Variants in CTNNA3 observed in about 807,000 individuals in gnomAD.
CTNNA3 encodes catenin alpha 3.
A neutral mutation model predicts 95.7 loss-of-function variants in CTNNA3; 76 were observed. The observed-to-expected ratio is 0.79, with a 90% CI of 0.66 to 0.96. The LOEUF (loss-of-function observed/expected upper bound fraction) is 0.96, where lower values mean the gene tolerates loss of function less well. CTNNA3 is among the 40% of genes least tolerant of loss of function. The pLI is 0.00. For synonymous variants in CTNNA3, 431 were observed against 374.4 expected, an observed-to-expected ratio of 1.15 and a Z score of -1.74; for missense variants, 1,191 against 1,089.8, an observed-to-expected ratio of 1.09 and a Z score of -1.31.
chr10:66,733,460 G>A (rs1849029732), intron 9 of CTNNA3, among the ~76,000 whole-genome samples: 1 of 151,786 alleles, frequency 6.6e-6, no homozygotes, highest in Non-Finnish European at 1.5e-5. Context: ...TTTCCTAGGA[G>A]AAGTGTTGAG....
chr10:66,851,629 CACA>C (rs1843497416), intron 7 of CTNNA3, among the ~76,000 whole-genome samples: 1 of 101,944 alleles, frequency 9.8e-6, no homozygotes, highest in Non-Finnish European at 1.9e-5. Context: ...CTCTTTCTCT[CACA>C]TACACACACA....
intron 7 of CTNNA3, among the ~76,000 whole-genome samples, chr10:67,163,100 TAA>T (rs1217680024): frequency 6.6e-6 from 1 of 151,820 alleles, no homozygotes; most frequent in Non-Finnish European, 1.5e-5. Flanking sequence ...TTCTAGAAGA[TAA>T]AAAAAGAGGG....
intron 5 of CTNNA3, among the ~76,000 whole-genome samples, chr10:67,415,983 T>C (rs978395041): frequency 6.6e-6 from 1 of 152,184 alleles, no homozygotes; most frequent in South Asian, 2.1e-4. Context: ...TTTTACCATA[T>C]ACAAGAATGA....
At chr10:66,427,635 A>G (rs1373034331) in intron 11 of CTNNA3, among the ~76,000 whole-genome samples, 1 of 152,106 alleles carries the variant, frequency 6.6e-6, no homozygotes, top group Non-Finnish European at 1.5e-5. Context: ...TGGAACAACA[A>G]TAAGCCATTT....
chr10:66,012,431 A>G (rs1163917442), intron 15 of CTNNA3, among the ~76,000 whole-genome samples: 1 of 152,200 alleles, frequency 6.6e-6, no homozygotes, highest in African/African-American at 2.4e-5. Context: ...TTTAAAGTCC[A>G]GTTGGGGTTT....
chr10:66,523,143 A>C (rs189177751), intron 10 of CTNNA3, among the ~76,000 whole-genome samples: 1 of 152,266 alleles, frequency 6.6e-6, no homozygotes, highest in Admixed American at 6.5e-5. Flanking sequence ...TTAACTTACA[A>C]TGTACCTTCG....
chr10:66,869,578 A>G (rs892835792), intron 7 of CTNNA3, among the ~76,000 whole-genome samples: 3 of 152,208 alleles, frequency 2.0e-5, no homozygotes, highest in Non-Finnish European at 2.9e-5. Context: ...GTCTCAATAC[A>G]TTAAATTAAA....
chr10:67,584,596 G>A (rs1008495228), intron 3 of CTNNA3, among the ~76,000 whole-genome samples: 2 of 152,214 alleles, frequency 1.3e-5, no homozygotes, highest in African/African-American at 4.8e-5. Flanking sequence ...CTTCAAAGCT[G>A]TCAGACAGGG....
At chr10:67,572,436 C>A (rs1032182330) in intron 3 of CTNNA3, among the ~76,000 whole-genome samples, 1 of 152,062 alleles carries the variant, frequency 6.6e-6, no homozygotes, top group African/African-American at 2.4e-5. Flanking sequence ...TCCTTTATCC[C>A]CTCGAAGCAT....
chr10:66,701,944 G>GA (rs1266713380), intron 9 of CTNNA3, among the ~76,000 whole-genome samples: 1 of 152,058 alleles, frequency 6.6e-6, no homozygotes, highest in Non-Finnish European at 1.5e-5. Flanking sequence ...TTTTGTTAAT[G>GA]AAAAAATTGT....
intron 5 of CTNNA3, among the ~76,000 whole-genome samples, chr10:67,292,183 G>A (rs1839863799): frequency 6.6e-6 from 1 of 152,056 alleles, no homozygotes; most frequent in Non-Finnish European, 1.5e-5. Context: ...ATTTCTTTAT[G>A]GCCAGTTTTT....
chr10:66,798,633 T>C (rs545701783), intron 7 of CTNNA3, among the ~76,000 whole-genome samples: 1 of 151,738 alleles, frequency 6.6e-6, no homozygotes, highest in African/African-American at 2.4e-5. Context: ...AGAGAAGAAC[T>C]TGGAAATAGT....
intron 10 of CTNNA3, among the ~76,000 whole-genome samples, chr10:66,532,018 T>C (rs1010735964): frequency 2.3e-4 from 35 of 152,302 alleles, no homozygotes; most frequent in African/African-American, 8.4e-4. Context: ...TTGCCAAATC[T>C]CCTTTTTTTA....
At chr10:66,891,580 T>A (rs1354185633) in intron 7 of CTNNA3, among the ~76,000 whole-genome samples, 1 of 152,218 alleles carries the variant, frequency 6.6e-6, no homozygotes, top group Non-Finnish European at 1.5e-5. Flanking sequence ...GTAGATGTCA[T>A]AAGCTGCTTC....
intron 7 of CTNNA3, among the ~76,000 whole-genome samples, chr10:66,815,227 T>C (rs1293902394): frequency 1.3e-5 from 2 of 152,184 alleles, no homozygotes; most frequent in African/African-American, 2.4e-5. Flanking sequence ...AAGACTTGCA[T>C]CAAAATCTGG....
intron 7 of CTNNA3, among the ~76,000 whole-genome samples, chr10:66,851,984 G>A (rs1843515054): frequency 6.6e-6 from 1 of 152,050 alleles, no homozygotes; most frequent in Admixed American, 6.6e-5. Context: ...AGACAACAAT[G>A]GGATGAAGTA....
intron 9 of CTNNA3, among the ~76,000 whole-genome samples, chr10:66,728,811 CT>C (rs1242634033): frequency 6.6e-6 from 1 of 152,152 alleles, no homozygotes; most frequent in Non-Finnish European, 1.5e-5. Flanking sequence ...TGATCTCGAA[CT>C]CCTGACCTCA....
At chr10:67,347,447 T>C (rs1002294598) in intron 5 of CTNNA3, among the ~76,000 whole-genome samples, 4 of 152,218 alleles carry the variant, frequency 2.6e-5, no homozygotes, top group Non-Finnish European at 5.9e-5. Context: ...GTCACTTTTT[T>C]CACTTTCTGG....
intron 5 of CTNNA3, among the ~76,000 whole-genome samples, chr10:67,220,596 G>A (rs531697659): frequency 6.6e-6 from 1 of 152,246 alleles, no homozygotes; most frequent in African/African-American, 2.4e-5. Flanking sequence ...AAGTGTCATA[G>A]AGATTGACTT....
Sources: allele counts gnomAD v4.1 joint callset (sites outside exome capture counted in the v4.1 genomes callset), GRCh38; gene constraint gnomAD v4.1.1; transcripts MANE v1.5; gene names NCBI Gene and HGNC (gene_info 2026-07-23, HGNC 2026-07-21).